Variants in DMRT1 observed in about 807,000 individuals in gnomAD.
DMRT1 encodes the protein doublesex and mab-3 related transcription factor 1.
A neutral mutation model predicts 32.3 loss-of-function variants in DMRT1; 7 were observed. That is an observed-to-expected ratio of 0.22 (90% CI 0.12 to 0.41). The LOEUF is 0.41. Ranked by LOEUF, DMRT1 falls within the 10% of genes least tolerant of loss-of-function variation. The probability of loss-of-function intolerance (pLI) is 1.00; values close to 1 mark genes in which losing one functional copy is unlikely to be tolerated. For missense variants in DMRT1, 625 were observed against 500.5 expected (o/e 1.25, Z -2.37); for synonymous variants, 278 against 206.1 (o/e 1.35, Z -2.99).
intron 2 of DMRT1, among the ~76,000 whole-genome samples, chr9:892,686 A>C (rs1817198435): frequency 6.6e-6 from 1 of 152,030 alleles, no homozygotes. Flanking sequence ...ATCTCCTCCA[A>C]GCACAGCTCT....
intron 2 of DMRT1, among the ~76,000 whole-genome samples, chr9:861,889 T>C (rs1240240186): frequency 2.1e-5 from 3 of 142,466 alleles, no homozygotes; most frequent in Middle Eastern, 3.9e-3. Context: ...AGAGGCACTC[T>C]TCACATCCCA....
At chr9:918,365 G>A (rs1222988165) in intron 4 of DMRT1, among the ~76,000 whole-genome samples, 3 of 152,176 alleles carry the variant, frequency 2.0e-5, no homozygotes, top group Non-Finnish European at 2.9e-5. Context: ...AAGCACTGGC[G>A]TTCTTGAGAC....
intron 2 of DMRT1, among the ~76,000 whole-genome samples, chr9:880,940 C>T (rs80330121): frequency 0.034 from 5,170 of 152,194 alleles, 119 homozygotes; most frequent in Non-Finnish European, 0.05. Context: ...CCTCCAACCA[C>T]ATTTTGACAG....
intron 4 of DMRT1, among the ~76,000 whole-genome samples, chr9:943,491 T>C (rs976923914): frequency 2.0e-5 from 3 of 152,242 alleles, no homozygotes; most frequent in Non-Finnish European, 4.4e-5. Context: ...AACAGGCATG[T>C]CACTGGAACT....
intron 3 of DMRT1, among the ~76,000 whole-genome samples, chr9:903,783 A>G (rs964380154): frequency 6.6e-6 from 1 of 152,220 alleles, no homozygotes; most frequent in Non-Finnish European, 1.5e-5. Context: ...GAGAACAGAC[A>G]GCTCTGACTC....
rs371547577 is a variant in DMRT1, at chr9:952,276, C to T, written c.968-15709C>T. ...AATTAGCGCCACAGTGCCTTTTATG[C>T]GTGAGTTTTAGTTAGTTGTGGAGGT... On this transcript the variant is annotated intron_variant, in intron 4 of 4. Coordinates refer to ENST00000382276, the MANE Select transcript of DMRT1 (RefSeq NM_021951.3). Among the ~76,000 whole-genome samples the T allele has an allele frequency of 2.0e-4, 30 of 152,206 alleles. 1 individual carries two copies. The highest frequency in any genetic ancestry group is 7.0e-4 in the African/African-American group (29 of 41,526).
intron 4 of DMRT1, among the ~76,000 whole-genome samples, chr9:961,298 G>T (rs1239991884): frequency 6.6e-6 from 1 of 152,104 alleles, no homozygotes; most frequent in Non-Finnish European, 1.5e-5. Flanking sequence ...GTTGTGACAG[G>T]GCTCCAGGAA....
At chr9:940,524 C>G (rs1200304981) in intron 4 of DMRT1, among the ~76,000 whole-genome samples, 1 of 152,044 alleles carries the variant, frequency 6.6e-6, no homozygotes, top group African/African-American at 2.4e-5. Context: ...TGGAGTCTTA[C>G]CTTATACCAT....
At chr9:888,396 C>T (rs1817014096) in intron 2 of DMRT1, among the ~76,000 whole-genome samples, 1 of 151,928 alleles carries the variant, frequency 6.6e-6, no homozygotes, top group Admixed American at 6.6e-5. Context: ...CCCTCTGCCT[C>T]CCAGGCTAAA....
intron 2 of DMRT1, among the ~76,000 whole-genome samples, chr9:888,548 C>T (rs1045131010): frequency 6.6e-6 from 1 of 152,182 alleles, no homozygotes; most frequent in Non-Finnish European, 1.5e-5. Context: ...GAACCTTGTA[C>T]CTCGGCCTCC....
At chr9:916,430 A>C (rs1380493199) in intron 3 of DMRT1, among the ~76,000 whole-genome samples, 2 of 151,946 alleles carry the variant, frequency 1.3e-5, no homozygotes, top group African/African-American at 4.8e-5. Flanking sequence ...GCAGTAGTGC[A>C]AGCAGCCACG....
intron 4 of DMRT1, among the ~76,000 whole-genome samples, chr9:961,922 G>A (rs1564279140): frequency 2.6e-5 from 4 of 152,128 alleles, no homozygotes; most frequent in Admixed American, 6.5e-5. Flanking sequence ...AAACTAGGGC[G>A]CAGGATGCTT....
chr9:849,365 C>T (rs1475793858), intron 2 of DMRT1, among the ~76,000 whole-genome samples: 2 of 152,088 alleles, frequency 1.3e-5, no homozygotes, highest in African/African-American at 4.8e-5. Context: ...TGAAAAAGTC[C>T]CTGCCATTCT....
chr9:901,763 G>A (rs771747323), intron 3 of DMRT1, among the ~76,000 whole-genome samples: 1 of 151,894 alleles, frequency 6.6e-6, no homozygotes, highest in Non-Finnish European at 1.5e-5. Flanking sequence ...TGGAGAAAGC[G>A]GGAGTGACTT....
At chr9:955,807 T>C (rs931306445) in intron 4 of DMRT1, among the ~76,000 whole-genome samples, 5 of 152,216 alleles carry the variant, frequency 3.3e-5, no homozygotes, top group African/African-American at 1.2e-4. Context: ...TGCTGAGATG[T>C]GGGTAAGTTG....
In DMRT1 at chr9:858,076, G is replaced by A. The variant is rs144216136; in HGVS notation, c.538+10933G>A. Among the ~76,000 whole-genome samples, 246 of 152,052 alleles carry A rather than the reference G, an allele frequency of 1.6e-3. 3 individuals carry two copies. The East Asian group carries it at 0.024, about 15-fold the overall frequency. On this transcript the variant is annotated intron_variant, in intron 2 of 4. Coordinates refer to ENST00000382276, the MANE Select transcript of DMRT1 (RefSeq NM_021951.3). ...AGTCTTTGCTATTGTGAATAGTGCCGCTATAAACATACGTGTGCATGTGCC... is the reference window on the plus strand; with the variant it reads ...AGTCTTTGCTATTGTGAATAGTGCCACTATAAACATACGTGTGCATGTGCC...
At chr9:945,740 C>CTTT (rs33925005) in intron 4 of DMRT1, among the ~76,000 whole-genome samples, 3 of 134,178 alleles carry the variant, frequency 2.2e-5, no homozygotes, top group African/African-American at 5.6e-5. Flanking sequence ...AAAATACACA[C>CTTT]TTTTTTTTTT....
intron 4 of DMRT1, among the ~76,000 whole-genome samples, chr9:931,954 T>A (rs1818739919): frequency 6.6e-6 from 1 of 152,092 alleles, no homozygotes; most frequent in Admixed American, 6.6e-5. Flanking sequence ...TGTTTTCAGG[T>A]CTTACTGCCT....
intron 4 of DMRT1, among the ~76,000 whole-genome samples, chr9:967,667 G>A (rs2130024194): frequency 6.6e-6 from 1 of 152,272 alleles, no homozygotes; most frequent in East Asian, 1.9e-4. Context: ...GAGGAGTCCG[G>A]TGAAGGGTGG....
Sources: gnomAD v4.1 joint callset for allele counts (sites outside exome capture counted in the v4.1 genomes callset) on GRCh38, gnomAD v4.1.1 for gene constraint, MANE v1.5 for transcripts, NCBI Gene and HGNC (gene_info 2026-07-23, HGNC 2026-07-21) for gene names.